EOLA2: variants seen among roughly 807,000 people sequenced by gnomAD.
EOLA2 encodes protein EOLA2.
EOLA2 carries 3 observed loss-of-function variants against 4.1 expected under a neutral mutation model. That is an observed-to-expected ratio of 0.73 (90% CI 0.33 to 1.89). EOLA2 has a LOEUF of 1.89. Among genes scored for constraint, EOLA2 ranks in the 40% most tolerant of loss-of-function variants. The pLI, the probability that EOLA2 is intolerant of heterozygous loss-of-function variation, is 0.08. For synonymous variants in EOLA2, 52 were observed against 51.7 expected (o/e 1.01, Z -0.03); for missense variants, 109 against 126.4 (o/e 0.86, Z 0.66).
At position 149,934,024 on chromosome X, in the gene EOLA2, C is replaced by T. The variant is rs879974684; in HGVS notation, c.-49G>A. On this transcript the variant is annotated 5_prime_UTR_variant, in exon 3 of 5. Coordinates refer to ENST00000370406, the MANE Select transcript of EOLA2 (RefSeq NM_001013845.2). ...ACTGACCTTGATGGTCTGCTGCTTC[C>T]GTCTGTCACTGATGTCGAGCACCAC... 3.5e-4 allele frequency: 390 copies of T among 1,105,023 alleles called. 1 individual carries two copies. The highest frequency in any genetic ancestry group is 4.4e-4 in the Non-Finnish European group (375 of 845,833). The allele number at this position is 1,105,023 out of a possible 1,213,427, so 91.1% of individuals were successfully genotyped here.
chrX:149,934,856 G>C (rs1289164872), intron 2 of EOLA2, among the ~76,000 whole-genome samples: 1 of 112,493 alleles, frequency 8.9e-6, no homozygotes, highest in Admixed American at 9.4e-5. Flanking sequence ...CTGTGCCTTG[G>C]AAGGAACCCT....
chrX:149,937,580 A>G (rs1431870784), intron 1 of EOLA2, 100 bp from the exon 2 acceptor site: 2 of 142,910 alleles, frequency 1.4e-5, no homozygotes, highest in Non-Finnish European at 2.5e-5. Context: ...GGCATTGGAA[A>G]CCAAGAGCTG....
downstream of EOLA2, among the ~76,000 whole-genome samples, chrX:149,931,804 C>CAAA (rs782666125): frequency 2.1e-5 from 1 of 46,776 alleles, no homozygotes; most frequent in African/African-American, 6.8e-5. Context: ...GCTAAATCAC[C>CAAA]AAAAAAAAAA....
intron 2 of EOLA2, 29 bp from the exon 3 acceptor site, chrX:149,934,166 GT>G (rs2090937940): frequency 9.9e-7 from 1 of 1,015,085 alleles, no homozygotes; most frequent in African/African-American, 2.0e-5. Flanking sequence ...AGGATAGCAT[GT>G]GGTCAGTGCT....
intron 3 of EOLA2, 37 bp downstream of exon 3, chrX:149,933,968 C>A (rs1369916549): frequency 2.8e-5 from 32 of 1,151,543 alleles, no homozygotes; most frequent in Middle Eastern, 2.5e-4. Flanking sequence ...GCCTGACCTT[C>A]CCCCCGTGTC....
intron 2 of EOLA2, among the ~76,000 whole-genome samples, chrX:149,935,883 C>T (rs2090984162): frequency 9.2e-6 from 1 of 108,881 alleles, no homozygotes; most frequent in African/African-American, 3.4e-5. Flanking sequence ...GGCCCACATC[C>T]CGTGGCACTG....
In EOLA2 at chrX:149,934,115, G is replaced by T; in HGVS notation, c.-140C>A. On this transcript the variant is annotated 5_prime_UTR_variant, in exon 3 of 5. Coordinates refer to ENST00000370406, the MANE Select transcript of EOLA2 (RefSeq NM_001013845.2). ...GTCCATCCCATGGAGTCTTTGGGGC[G>T]GTCCGGAGTAGGGCGGGGACAGCTA... The T allele has an allele frequency of 2.8e-6, 3 of 1,060,832 alleles. No individual in the cohort carries two copies. The highest frequency in any genetic ancestry group is 6.9e-5 in the East Asian group (2 of 28,999). 87.4% of individuals were successfully genotyped at this position (1,060,832 alleles called of 1,213,427 possible). A position where few individuals can be genotyped will look rare whatever the true frequency, so the allele number is the denominator to read the frequency against.
chrX:149,937,225 C>A (rs1557376362), intron 2 of EOLA2, among the ~76,000 whole-genome samples: 1 of 112,241 alleles, frequency 8.9e-6, no homozygotes, highest in African/African-American at 3.2e-5. Context: ...GAATGTCCCC[C>A]ACAGGGCCTG....
At position 149,932,441 on chromosome X, in the gene EOLA2, C is replaced by T. The variant is rs1557374484; in HGVS notation, c.*103G>A. ...GGGACTCTCCAAAGCAGTGGAAATT[C>T]ATCTTTAACCTAATTTATACAGGTC... On this transcript the variant is annotated 3_prime_UTR_variant, in exon 5 of 5. Coordinates refer to ENST00000370406, the MANE Select transcript of EOLA2 (RefSeq NM_001013845.2). 8.6e-7 allele frequency: 1 copy of T among 1,165,111 alleles called. No homozygotes were observed. The highest frequency in any genetic ancestry group is 1.1e-6 in the Non-Finnish European group (1 of 871,939).
intron 2 of EOLA2, among the ~76,000 whole-genome samples, 183 bp downstream of exon 2, chrX:149,937,250 G>C (rs1462818345): frequency 8.9e-6 from 1 of 112,354 alleles, no homozygotes; most frequent in African/African-American, 3.2e-5. Context: ...CTTCCATCGG[G>C]ATAAATGGCT....
rs781970357 is a variant in EOLA2 at position 149,932,429 on chromosome X, G to T, written c.*115C>A. On this transcript the variant is annotated 3_prime_UTR_variant, in exon 5 of 5. Coordinates refer to ENST00000370406, the MANE Select transcript of EOLA2 (RefSeq NM_001013845.2). ...TGCTTAGTGGGTGGGACTCTCCAAA[G>T]CAGTGGAAATTCATCTTTAACCTAA... 50 of 1,149,609 alleles carry T rather than the reference G, an allele frequency of 4.3e-5. No individual in the cohort carries two copies. In the African/African-American group the frequency reaches 8.5e-4, roughly 19 times the overall value. The allele number at this position is 1,149,609 out of a possible 1,213,427, so 94.7% of individuals were successfully genotyped here. A position where few individuals can be genotyped will look rare whatever the true frequency, so the allele number is the denominator to read the frequency against.
downstream of EOLA2, chrX:149,931,434 A>G (rs1201849291): frequency 6.5e-6 from 1 of 154,769 alleles, no homozygotes; most frequent in Admixed American, 8.7e-5. Context: ...ACACTCAGCA[A>G]AGGATGTTGC....
chrX:149,934,191 C>T (rs1237265482), intron 2 of EOLA2, 54 bp from the exon 3 acceptor site: 6 of 938,357 alleles, frequency 6.4e-6, no homozygotes, highest in Non-Finnish European at 1.3e-6. Context: ...ACAGAGGTCA[C>T]CGAGCCCTAG....
At chrX:149,934,608 C>T in intron 2 of EOLA2, 1 of 753,175 alleles carries the variant, frequency 1.3e-6, no homozygotes, top group Non-Finnish European at 1.6e-6. Flanking sequence ...GAACAACTGG[C>T]AACCCCCCAC....
chrX:149,932,182 T>C, downstream of EOLA2: 1 of 537,883 alleles, frequency 1.9e-6, no homozygotes, highest in Non-Finnish European at 2.4e-6. Context: ...GAACAAAGCC[T>C]CAAACACTAA....
chrX:149,933,821 A>G lies in EOLA2; in HGVS notation c.54T>C (p.Asn18=). 8.3e-7 allele frequency: 1 copy of G among 1,206,480 alleles called. No individual in the cohort carries two copies. The highest frequency in any genetic ancestry group is 1.8e-5 in the South Asian group (1 of 56,601). ...FRQPYAGFVL[N]GIKTVETRWR... Reference sequence around the variant, plus strand: ...AGCGCGTCTCCACAGTCTTGATTCCATTTAAGACAAAGCCAGCATAAGGCT... The same window carrying G: ...AGCGCGTCTCCACAGTCTTGATTCCGTTTAAGACAAAGCCAGCATAAGGCT... Residue 18 remains asparagine, a synonymous_variant, in exon 4 of 5, where the codon AAT becomes AAC. Coordinates refer to ENST00000370406, the MANE Select transcript of EOLA2 (RefSeq NM_001013845.2).
chrX:149,931,397 G>C (rs1557374237), downstream of EOLA2: 1 of 204,926 alleles, frequency 4.9e-6, no homozygotes, highest in Non-Finnish European at 8.6e-6. Context: ...CATTGTCCTC[G>C]TTTATTTGGA....
chrX:149,935,757 C>A (rs2090981015), intron 2 of EOLA2, among the ~76,000 whole-genome samples: 1 of 104,947 alleles, frequency 9.5e-6, no homozygotes, highest in African/African-American at 3.5e-5. Flanking sequence ...ACTCAGGACC[C>A]CAACCATCAC....
downstream of EOLA2, chrX:149,930,023 AG>A (rs2090855780): frequency 1.7e-6 from 2 of 1,158,623 alleles, no homozygotes; most frequent in Non-Finnish European, 2.3e-6. Flanking sequence ...AGGTGCAGAG[AG>A]GATCTTCAAA....
Sources: allele counts gnomAD v4.1 joint callset (sites outside exome capture counted in the v4.1 genomes callset), GRCh38; gene constraint gnomAD v4.1.1; transcripts MANE v1.5; gene names NCBI Gene and HGNC (gene_info 2026-07-23, HGNC 2026-07-21).